The following NSD1 variants were observed in gnomAD, a reference collection of about 807,000 sequenced individuals.
NSD1 encodes the protein histone-lysine N-methyltransferase, H3 lysine-36 specific.
Under a neutral mutation model 242.7 loss-of-function variants are expected in NSD1, and 26 were observed. The ratio of observed to expected loss-of-function variants is 0.11; its 90% CI spans 0.08 to 0.15. NSD1 has a LOEUF of 0.15. Ranked by LOEUF, NSD1 falls within the 10% of genes least tolerant of loss-of-function variation. The probability of loss-of-function intolerance (pLI) is 1.00; values close to 1 mark genes in which losing one functional copy is unlikely to be tolerated. For missense variants in NSD1, 2,495 were observed against 3,272.8 expected (o/e 0.76, Z 5.80); for synonymous variants, 1,106 against 1,178.1 (o/e 0.94, Z 1.25).
chr5:177,226,233 G>A (rs1764618802), intron 5 of NSD1, among the ~76,000 whole-genome samples: 1 of 151,938 alleles, frequency 6.6e-6, no homozygotes, highest in Non-Finnish European at 1.5e-5. Flanking sequence ...TTTTGGTAGA[G>A]GTGAGGTTTC....
chr5:177,274,725 GTGT>G (rs1223152960), intron 17 of NSD1, among the ~76,000 whole-genome samples: 1 of 151,180 alleles, frequency 6.6e-6, no homozygotes, highest in Non-Finnish European at 1.5e-5. Context: ...GTGTGTGTGT[GTGT>G]TGTTTTTTTG....
At chr5:177,260,746 A>G (rs370854133) in intron 14 of NSD1, among the ~76,000 whole-genome samples, 1 of 152,166 alleles carries the variant, frequency 6.6e-6, no homozygotes, top group Admixed American at 6.5e-5. Flanking sequence ...ATGATAAACA[A>G]TTGAAGCAGT....
At chr5:177,141,730 CTA>C (rs1239210418) in intron 2 of NSD1, among the ~76,000 whole-genome samples, 4 of 152,172 alleles carry the variant, frequency 2.6e-5, no homozygotes, top group African/African-American at 9.6e-5. Context: ...CTACTCCACT[CTA>C]TGAAACTCTC....
rs545090817 is a variant in NSD1, at chr5:177,280,995, G to A, written c.5892+161G>A. Among the ~76,000 whole-genome samples the A allele has an allele frequency of 5.3e-5, 8 of 152,240 alleles. No homozygotes were observed. In the South Asian group the frequency reaches 1.2e-3, roughly 24 times the overall value. On this transcript the variant is annotated intron_variant, in intron 18 of 22. Coordinates refer to ENST00000439151, the MANE Select transcript of NSD1 (RefSeq NM_022455.5). ...ATCCTTCTACCGTTTAGAGGCTTAC[G>A]AATGGATGGTTTTGATCTCCCAAGT...
In NSD1 at chr5:177,211,793, G is replaced by A. The variant is rs570278983; in HGVS notation, c.3394G>A (p.Gly1132Arg). The change falls in exon 5 of 23, where the codon GGA becomes AGA. Residue 1132 changes from glycine to arginine, a missense_variant. By Grantham distance (125) the Gly-to-Arg change is moderately radical (BLOSUM62 -2). Around this residue, in one of 19 missense-constraint regions of NSD1, gnomAD observed 426 missense variants for 411.4 expected, o/e 1.04. Coordinates refer to ENST00000439151, the MANE Select transcript of NSD1 (RefSeq NM_022455.5). The part of the protein sequence containing the change: ...ISEKGLSFEN[G>R]KGPELDSVMN... The stretch of plus-strand genomic sequence containing the variant: ...TGAAAAAGGACTCTCTTTTGAAAAC[G>A]GAAAAGGCCCAGAGCTGGACTCTGT... The A allele has an allele frequency of 6.2e-5, 100 of 1,614,110 alleles. 1 individual carries two copies. The East Asian group carries it at 8.7e-4, about 14-fold the overall frequency.
rs567913029 is a variant in NSD1 at position 177,255,675 on chromosome 5, C to T, written c.4766-1276C>T. Among the ~76,000 whole-genome samples the T allele has an allele frequency of 2.7e-4, 41 of 152,134 alleles. 2 individuals carry two copies. Among genetic ancestry groups the T allele is most frequent in the Middle Eastern group, 6.8e-3 (2 of 294 alleles). ...TCAGCTCACTGCAACCTCCACCTCC[C>T]AGGTTCAAGAGATTCTCGTGCCTCA... On this transcript the variant is annotated intron_variant, in intron 12 of 22. Coordinates refer to ENST00000439151, the MANE Select transcript of NSD1 (RefSeq NM_022455.5).
intron 2 of NSD1, among the ~76,000 whole-genome samples, chr5:177,170,439 C>T (rs1204366254): frequency 6.6e-6 from 1 of 150,988 alleles, no homozygotes; most frequent in African/African-American, 2.4e-5. Flanking sequence ...CAACCTCCGC[C>T]TCCCGGGTTC....
rs565784246 is a variant in NSD1, at chr5:177,285,060, G to A, written c.6151+1132G>A. 9.2e-5 allele frequency among the ~76,000 whole-genome samples: 14 copies of A among 152,310 alleles called. No individual in the cohort carries two copies. The South Asian group carries it at 2.3e-3, about 25-fold the overall frequency. On this transcript the variant is annotated intron_variant, in intron 20 of 22. Transcript: ENST00000439151. Reference sequence around the variant, plus strand: ...GTGCTTGTCTCTCTAACGGGGTAGCGAGATGGTTGTAACCAGGACAAATAG... The same window carrying A: ...GTGCTTGTCTCTCTAACGGGGTAGCAAGATGGTTGTAACCAGGACAAATAG...
Position 177,222,413 on chromosome 5 carries a change from G to A in NSD1, c.3796+10218G>A, listed in dbSNP as rs147641609. 2.6e-3 allele frequency among the ~76,000 whole-genome samples: 397 copies of A among 152,240 alleles called. 2 individuals carry two copies. Among genetic ancestry groups the A allele is most frequent in the African/African-American group, 6.6e-3 (274 of 41,556 alleles). ...TTGGTTATTCTATATTCAACCCTTT[G>A]AGTAACTGCCAGGATGTTTTGCAAG... On this transcript the variant is annotated intron_variant, in intron 5 of 22. Coordinates refer to ENST00000439151, the MANE Select transcript of NSD1 (RefSeq NM_022455.5).
chr5:177,192,277 C>T (rs1761753835), intron 3 of NSD1, among the ~76,000 whole-genome samples: 2 of 152,054 alleles, frequency 1.3e-5, no homozygotes, highest in South Asian at 4.1e-4. Context: ...GTGGTGCAAT[C>T]TCAGCTCACT....
chr5:177,242,424 TATG>T (rs1413339264), intron 8 of NSD1, among the ~76,000 whole-genome samples: 1 of 152,156 alleles, frequency 6.6e-6, no homozygotes, highest in Non-Finnish European at 1.5e-5. Context: ...GATTTATTAA[TATG>T]ATAAAATGAG....
intron 2 of NSD1, among the ~76,000 whole-genome samples, chr5:177,180,832 G>A (rs928223674): frequency 6.6e-6 from 1 of 151,514 alleles, no homozygotes; most frequent in African/African-American, 2.4e-5. Flanking sequence ...ACAGGCGCAT[G>A]CCACCATGCC....
chr5:177,250,706 T>C (rs114862400), intron 11 of NSD1, among the ~76,000 whole-genome samples: 1 of 152,154 alleles, frequency 6.6e-6, no homozygotes, highest in African/African-American at 2.4e-5. Flanking sequence ...AGACTATAGG[T>C]TGATAAAGTC....
chr5:177,219,325 A>G (rs1349131041), intron 5 of NSD1, among the ~76,000 whole-genome samples: 2 of 151,790 alleles, frequency 1.3e-5, no homozygotes, highest in African/African-American at 4.8e-5. Context: ...AGCTGGGATT[A>G]CAGGTGCCTG....
intron 2 of NSD1, among the ~76,000 whole-genome samples, chr5:177,185,341 G>A (rs146557216): frequency 6.6e-6 from 1 of 152,080 alleles, no homozygotes; most frequent in East Asian, 1.9e-4. Flanking sequence ...GCTCACGTCT[G>A]TAATCCCAGC....
At chr5:177,202,777 T>C (rs1762603120) in intron 3 of NSD1, among the ~76,000 whole-genome samples, 1 of 152,224 alleles carries the variant, frequency 6.6e-6, no homozygotes, top group Non-Finnish European at 1.5e-5. Context: ...CCAGTTCCAG[T>C]TCCTGTAGGT....
At chr5:177,265,610 A>G (rs1304468190) in intron 14 of NSD1, 1 of 1,467,736 alleles carries the variant, frequency 6.8e-7, no homozygotes, top group African/African-American at 1.4e-5. Flanking sequence ...CAGGTCGCAC[A>G]GATGGCCCCT....
intron 3 of NSD1, among the ~76,000 whole-genome samples, chr5:177,192,241 G>A (rs1188612895): frequency 6.0e-5 from 9 of 150,994 alleles, no homozygotes; most frequent in Admixed American, 3.3e-4. Context: ...ACGGAGTCTC[G>A]CTCTTGTTGC....
At chr5:177,293,585 C>T (rs1760024512) in intron 22 of NSD1, among the ~76,000 whole-genome samples, 1 of 129,940 alleles carries the variant, frequency 7.7e-6, no homozygotes, top group Non-Finnish European at 1.6e-5. Flanking sequence ...CCAATTTACT[C>T]TTCTGCTTGT....
Sources: allele counts gnomAD v4.1 joint callset (sites outside exome capture counted in the v4.1 genomes callset), GRCh38; gene constraint gnomAD v4.1.1; regional missense constraint gnomAD v4.1.1; transcripts MANE v1.5; gene names NCBI Gene and HGNC (gene_info 2026-07-23, HGNC 2026-07-21).